Variants in ANKRD50 observed in about 807,000 individuals in gnomAD.
ANKRD50 encodes the protein ankyrin repeat domain-containing protein 50.
ANKRD50 carries 40 observed loss-of-function variants against 112.0 expected under a neutral mutation model. The ratio of observed to expected loss-of-function variants is 0.36; its 90% CI spans 0.28 to 0.46. The LOEUF (loss-of-function observed/expected upper bound fraction) is 0.46. Among genes scored for constraint, ANKRD50 ranks in the 20% least tolerant of loss-of-function variants. The pLI is 1.00. For missense variants in ANKRD50, 1,487 were observed against 1,701.7 expected (o/e 0.87, Z 2.22); for synonymous variants, 613 against 619.1 (o/e 0.99, Z 0.15).
intron 2 of ANKRD50, among the ~76,000 whole-genome samples, chr4:124,685,669 A>C (rs1724989627): frequency 6.6e-6 from 1 of 152,172 alleles, no homozygotes; most frequent in South Asian, 2.1e-4. Flanking sequence ...GGTATTGTAC[A>C]GGGTTTGACT....
chr4:124,675,535 T>C (rs1466491771), intron 3 of ANKRD50, among the ~76,000 whole-genome samples: 1 of 151,726 alleles, frequency 6.6e-6, no homozygotes, highest in African/African-American at 2.4e-5. Flanking sequence ...GAAAATCAAA[T>C]TGATATATAG....
rs767228646 is a variant in ANKRD50 at position 124,671,721 on chromosome 4, C to T, written c.1556G>A (p.Arg519Gln). ...SEDDRTSCIVRQALEREDSIR... is the reference protein window; with the variant it reads ...SEDDRTSCIVQQALEREDSIR... ...GGAATCCTCTCTTTCTAAGGCTTGT[C>T]GAACTATGCATGATGTGCGATCGTC... The change falls in exon 4 of 5, where the codon CGA becomes CAA. Residue 519 changes from arginine to glutamine, a missense_variant. Physicochemically the swap from Arg to Gln is conservative, Grantham distance 43. Transcript: ENST00000504087. 1.4e-5 allele frequency: 22 copies of T among 1,613,832 alleles called. No homozygotes were observed. Among genetic ancestry groups the T allele is most frequent in the East Asian group, 2.2e-5 (1 of 44,846 alleles).
At position 124,710,069 on chromosome 4, in the gene ANKRD50, C is replaced by G; in HGVS notation, c.443G>C (p.Arg148Thr). 6.2e-7 allele frequency: 1 copy of G among 1,614,154 alleles called. No individual in the cohort carries two copies. The highest frequency in any genetic ancestry group is 1.1e-5 in the South Asian group (1 of 91,086). Residue 148 changes from arginine to threonine, a missense_variant, in exon 2 of 5, where the codon AGG becomes ACG. Arg to Thr is a moderately conservative substitution (Grantham distance 71). Coordinates refer to ENST00000504087, the MANE Select transcript of ANKRD50 (RefSeq NM_020337.3). ...TAAGAGGCTTTGGACTGCTGGATCC[C>G]TTAGCTTGTCCTCATATCCTTGGAG... ...GLLQGYEDKL[R>T]DPAVQSLLQP...
At chr4:124,694,509 T>A (rs1404100791) in intron 2 of ANKRD50, among the ~76,000 whole-genome samples, 2 of 152,116 alleles carry the variant, frequency 1.3e-5, no homozygotes, top group African/African-American at 4.8e-5. Flanking sequence ...GGAATACAAG[T>A]TCTCCCACTT....
chr4:124,703,090 T>C (rs1031900746), intron 2 of ANKRD50, among the ~76,000 whole-genome samples: 1 of 151,780 alleles, frequency 6.6e-6, no homozygotes, highest in Non-Finnish European at 1.5e-5. Context: ...AAGGCATATG[T>C]GTAAAGAGAG....
intron 2 of ANKRD50, among the ~76,000 whole-genome samples, chr4:124,680,902 A>C (rs1724873010): frequency 2.0e-5 from 3 of 152,160 alleles, no homozygotes; most frequent in Admixed American, 2.0e-4. Flanking sequence ...CTTAAAGAAG[A>C]GAAAGACCAG....
chr4:124,694,270 G>A (rs115292889), intron 2 of ANKRD50, among the ~76,000 whole-genome samples: 1,718 of 152,264 alleles, frequency 0.011, 41 homozygotes, highest in African/African-American at 0.039. Flanking sequence ...ATTTGTCTCT[G>A]AATTTTGGAC....
intron 2 of ANKRD50, among the ~76,000 whole-genome samples, chr4:124,691,694 T>TC (rs774577674): frequency 4.6e-5 from 7 of 151,956 alleles, no homozygotes; most frequent in Non-Finnish European, 8.8e-5. Flanking sequence ...TGTAATTCTC[T>TC]CCCCCTGGCC....
At chr4:124,709,679 A>G (rs1023069463) in intron 2 of ANKRD50, among the ~76,000 whole-genome samples, 1 of 152,036 alleles carries the variant, frequency 6.6e-6, no homozygotes, top group African/African-American at 2.4e-5. Flanking sequence ...AATGTAACCT[A>G]TTTCCAGACA....
chr4:124,671,698 A>T lies in ANKRD50; in HGVS notation c.1579T>A (p.Ser527Thr). The change falls in exon 4 of 5, where the codon TCC (serine) becomes ACC (threonine). Residue 527 changes from serine to threonine, a missense_variant. Transcript: ENST00000504087. ...CCATTATCTAATAATGTCCGAATGG[A>T]ATCCTCTCTTTCTAAGGCTTGTCGA... ...IVRQALERED[S>T]IRTLLDNGAS... 11 of 1,613,862 alleles carry T rather than the reference A, an allele frequency of 6.8e-6. No individual in the cohort carries two copies. Among genetic ancestry groups the T allele is most frequent in the Non-Finnish European group, 9.3e-6 (11 of 1,179,848 alleles).
intron 2 of ANKRD50, among the ~76,000 whole-genome samples, chr4:124,705,344 G>A (rs1725482420): frequency 6.6e-6 from 1 of 152,100 alleles, no homozygotes; most frequent in African/African-American, 2.4e-5. Flanking sequence ...AAAACTTAGA[G>A]TTATTCATCT....
chr4:124,708,019 C>A (rs1168343641), intron 2 of ANKRD50, among the ~76,000 whole-genome samples: 1 of 151,964 alleles, frequency 6.6e-6, no homozygotes. Flanking sequence ...AAATTACATA[C>A]CTTGGTTACA....
At chr4:124,682,808 A>G (rs1252116731) in intron 2 of ANKRD50, among the ~76,000 whole-genome samples, 2 of 152,088 alleles carry the variant, frequency 1.3e-5, no homozygotes, top group Non-Finnish European at 2.9e-5. Context: ...ACATATAATT[A>G]AATCTTGTAT....
At chr4:124,676,044 A>G (rs1291546827) in intron 3 of ANKRD50, among the ~76,000 whole-genome samples, 1 of 151,822 alleles carries the variant, frequency 6.6e-6, no homozygotes, top group Non-Finnish European at 1.5e-5. Flanking sequence ...ATACACGTGC[A>G]ATTTTAATTT....
intron 2 of ANKRD50, 85 bp downstream of exon 2, chr4:124,709,915 C>A: frequency 6.6e-7 from 1 of 1,512,696 alleles, no homozygotes. Flanking sequence ...AAAAGTAACC[C>A]ACAAAGTTAA....
chr4:124,664,870 CCTTT>C lies in ANKRD50; in HGVS notation c.*2644_*2647del, dbSNP rs954658528. On this transcript the variant is annotated 3_prime_UTR_variant, in exon 5 of 5. Coordinates refer to ENST00000504087, the MANE Select transcript of ANKRD50 (RefSeq NM_020337.3). Reference sequence around the variant, plus strand: ...TTTCAGGTCATTTTTCCTTCCAAAACCTTTCTTAGAAACATTCAGATTTTTATTT... The same window carrying C: ...TTTCAGGTCATTTTTCCTTCCAAAACCTTAGAAACATTCAGATTTTTATTT... 3.3e-5 allele frequency: 5 copies of C among 151,840 alleles called. No homozygotes were observed. The highest frequency in any genetic ancestry group is 5.9e-5 in the Non-Finnish European group (4 of 67,844). The allele number at this position is 151,840 out of a possible 1,614,324, so 9.4% of individuals were successfully genotyped here.
chr4:124,664,185 T>C lies in ANKRD50; in HGVS notation c.*3333A>G, dbSNP rs1730434396. 6.6e-6 allele frequency: 1 copy of C among 151,888 alleles called. No homozygotes were observed. Among genetic ancestry groups the C allele is most frequent in the Non-Finnish European group, 1.5e-5 (1 of 67,940 alleles). 9.4% of individuals were successfully genotyped at this position (151,888 alleles called of 1,614,324 possible). A position where few individuals can be genotyped will look rare whatever the true frequency, so the allele number is the denominator to read the frequency against. ...GCACACATATACAAAAGTTATTGGA[T>C]TACTGCAATTCTCAGAGGCACAAAA... On this transcript the variant is annotated 3_prime_UTR_variant, in exon 5 of 5. Coordinates refer to ENST00000504087, the MANE Select transcript of ANKRD50 (RefSeq NM_020337.3).
intron 2 of ANKRD50, among the ~76,000 whole-genome samples, chr4:124,695,565 A>G (rs372480397): frequency 1.7e-4 from 26 of 152,344 alleles, no homozygotes; most frequent in African/African-American, 5.3e-4. Flanking sequence ...CTAAAAGCCA[A>G]CATGAAATCT....
chr4:124,710,221 T>C lies in ANKRD50; in HGVS notation c.291A>G (p.Ala97=). ...CTELLWPSSP[A]SLQRGLHRQA... ...GGCGATGTAAACCTCTCTGCAAACT[T>C]GCAGGTGAACTTGGCCATAAGAGTT... The change falls in exon 2 of 5, where the codon GCA becomes GCG. Residue 97 remains alanine (A), a synonymous_variant. Coordinates refer to ENST00000504087, the MANE Select transcript of ANKRD50 (RefSeq NM_020337.3). The C allele has an allele frequency of 1.2e-6, 2 of 1,614,208 alleles. No individual in the cohort carries two copies. The highest frequency in any genetic ancestry group is 1.7e-6 in the Non-Finnish European group (2 of 1,180,042).
Sources: allele counts gnomAD v4.1 joint callset (sites outside exome capture counted in the v4.1 genomes callset), GRCh38; gene constraint gnomAD v4.1.1; transcripts MANE v1.5; gene names NCBI Gene and HGNC (gene_info 2026-07-23, HGNC 2026-07-21).